Variants in RAB27B observed in about 807,000 individuals in gnomAD.
The protein encoded by RAB27B is ras-related protein Rab-27B.
A neutral mutation model predicts 24.6 loss-of-function variants in RAB27B; 15 were observed. The observed-to-expected ratio is 0.61, with a 90% CI of 0.41 to 0.94. RAB27B has a LOEUF of 0.94. Ranked by LOEUF, RAB27B falls within the 40% of genes least tolerant of loss-of-function variation. The pLI, the probability that RAB27B is intolerant of heterozygous loss-of-function variation, is 0.00. For missense variants in RAB27B, 261 were observed against 266.8 expected, an observed-to-expected ratio of 0.98 and a Z score of 0.15; for synonymous variants, 105 against 92.5, an observed-to-expected ratio of 1.14 and a Z score of -0.78.
chr18:54,815,651 A>G lies in RAB27B; in HGVS notation c.-19-61916A>G, dbSNP rs376132844. On this transcript the variant is annotated intron_variant, in intron 2 of 4. Coordinates refer to the RAB27B transcript ENST00000586570. ...GAAACTCTTACTACTTTTCTTGATA[A>G]TTCTTTAATAATTTGCTATTAAAGT... Among the ~76,000 whole-genome samples the G allele has an allele frequency of 5.9e-5, 9 of 152,306 alleles. No individual in the cohort carries two copies. The South Asian group carries it at 1.9e-3, about 32-fold the overall frequency.
intron 2 of RAB27B, among the ~76,000 whole-genome samples, chr18:54,795,848 T>G (rs755566462): frequency 6.6e-6 from 1 of 152,144 alleles, no homozygotes; most frequent in African/African-American, 2.4e-5. Flanking sequence ...GTGAAGGTAG[T>G]TATGCATAAA....
intron 1 of RAB27B, among the ~76,000 whole-genome samples, chr18:54,837,727 C>T (rs571215071): frequency 6.6e-6 from 1 of 152,092 alleles, no homozygotes; most frequent in East Asian, 1.9e-4. Flanking sequence ...CTAATAAAGA[C>T]ATTTAAGTTC....
chr18:54,879,354 C>G lies in RAB27B; in HGVS notation c.154-15C>G. 1 of 1,593,492 alleles carries G rather than the reference C, an allele frequency of 6.3e-7. No homozygotes were observed. Among genetic ancestry groups the G allele is most frequent in the Non-Finnish European group, 8.6e-7 (1 of 1,161,504 alleles). On this transcript the variant is annotated splice_polypyrimidine_tract_variant and intron_variant, in intron 2 of 5. Coordinates refer to ENST00000262094, the MANE Select transcript of RAB27B (RefSeq NM_004163.4). Reference sequence around the variant, plus strand: ...ATCCAAAGCAACCTCAACTAATGAACGTTGTATCTTTCAGGTTTATAATGC... The same window carrying G: ...ATCCAAAGCAACCTCAACTAATGAAGGTTGTATCTTTCAGGTTTATAATGC...
Position 54,884,467 on chromosome 18 carries a change from G to A in RAB27B, c.343+31G>A, listed in dbSNP as rs372243840. The stretch of plus-strand genomic sequence containing the variant: ...TGGGACTGAGTAATGTGCATTGGCC[G>A]CTTTGGGACTCAACTGCCTTAGGTG... On this transcript the variant is annotated intron_variant, in intron 4 of 5. Transcript: ENST00000262094. 4.0e-5 allele frequency: 57 copies of A among 1,427,134 alleles called. 1 individual carries two copies. In the African/African-American group the frequency reaches 4.8e-4, roughly 12 times the overall value. 88.4% of individuals were successfully genotyped at this position (1,427,134 alleles called of 1,614,324 possible). A position where few individuals can be genotyped will look rare whatever the true frequency, so the allele number is the denominator to read the frequency against.
intron 2 of RAB27B, among the ~76,000 whole-genome samples, chr18:54,796,664 A>T (rs1189869256): frequency 6.6e-6 from 1 of 151,894 alleles, no homozygotes; most frequent in Non-Finnish European, 1.5e-5. Context: ...CTCGACTTTC[A>T]CCCACTGTGT....
intron 2 of RAB27B, among the ~76,000 whole-genome samples, chr18:54,766,460 A>G (rs1598888619): frequency 6.7e-6 from 1 of 149,668 alleles, no homozygotes; most frequent in South Asian, 2.1e-4. Flanking sequence ...ATGTCTCCAC[A>G]TCTCCTTTTT....
Position 54,833,289 on chromosome 18 carries a change from C to T in RAB27B, c.-20+4589C>T, listed in dbSNP as rs192707436. On this transcript the variant is annotated intron_variant, in intron 1 of 5. Coordinates refer to ENST00000262094, the MANE Select transcript of RAB27B (RefSeq NM_004163.4). Reference sequence around the variant, plus strand: ...TTGCCCAGGCTGGAGTGCAATGGCACGATCTCAGCTCATTGCAATCTCCCT... The same window carrying T: ...TTGCCCAGGCTGGAGTGCAATGGCATGATCTCAGCTCATTGCAATCTCCCT... 4.3e-3 allele frequency among the ~76,000 whole-genome samples: 582 copies of T among 134,530 alleles called. 2 individuals carry two copies. Among genetic ancestry groups the T allele is most frequent in the Middle Eastern group, 0.017 (3 of 172 alleles). The allele number at this position is 134,530 out of a possible 152,430, so 88.3% of individuals were successfully genotyped here. A position where few individuals can be genotyped will look rare whatever the true frequency, so the allele number is the denominator to read the frequency against.
intron 2 of RAB27B, among the ~76,000 whole-genome samples, chr18:54,810,415 A>C (rs926008961): frequency 6.6e-6 from 1 of 152,202 alleles, no homozygotes; most frequent in African/African-American, 2.4e-5. Flanking sequence ...ATTTACATAA[A>C]AGAGTAAACA....
chr18:54,833,501 A>G (rs554217918), intron 1 of RAB27B, among the ~76,000 whole-genome samples: 2 of 152,302 alleles, frequency 1.3e-5, no homozygotes, highest in African/African-American at 4.8e-5. Flanking sequence ...TGCTGGGATT[A>G]CAGGTGTGTA....
intron 1 of RAB27B, among the ~76,000 whole-genome samples, chr18:54,840,864 G>C (rs1249105596): frequency 1.3e-5 from 2 of 152,032 alleles, no homozygotes; most frequent in Non-Finnish European, 2.9e-5. Context: ...CAGATAGCCA[G>C]CTGGGCACGG....
At chr18:54,871,960 G>A (rs1568108437) in intron 1 of RAB27B, among the ~76,000 whole-genome samples, 1 of 152,072 alleles carries the variant, frequency 6.6e-6, no homozygotes. Flanking sequence ...CCAGTAGACT[G>A]GCAAAGAGCA....
At chr18:54,782,159 T>A (rs147998913) in intron 2 of RAB27B, among the ~76,000 whole-genome samples, 2,957 of 152,342 alleles carry the variant, frequency 0.019, 101 homozygotes, top group African/African-American at 0.067. Context: ...CTGTTGGAAT[T>A]CATTATTCTA....
intron 2 of RAB27B, among the ~76,000 whole-genome samples, chr18:54,821,415 T>C (rs1377326547): frequency 1.3e-5 from 2 of 152,160 alleles, no homozygotes; most frequent in Non-Finnish European, 2.9e-5. Flanking sequence ...GAACATTCCA[T>C]GCTCATGGGT....
At chr18:54,764,408 C>T (rs532071468) in intron 2 of RAB27B, among the ~76,000 whole-genome samples, 138 of 152,280 alleles carry the variant, frequency 9.1e-4, no homozygotes, top group African/African-American at 3.2e-3. Context: ...CTTAGCCATA[C>T]TCCATGTTGA....
chr18:54,850,814 A>T (rs1484153638), intron 1 of RAB27B, among the ~76,000 whole-genome samples: 6 of 150,894 alleles, frequency 4.0e-5, no homozygotes, highest in Admixed American at 4.0e-4. Flanking sequence ...TAAAATTATT[A>T]AAAATATTAA....
At chr18:54,885,450 C>T (rs1273528319) in intron 4 of RAB27B, among the ~76,000 whole-genome samples, 1 of 152,188 alleles carries the variant, frequency 6.6e-6, no homozygotes, top group African/African-American at 2.4e-5. Context: ...GCCCCGTTCA[C>T]TAGCCTTCAG....
chr18:54,843,676 T>C (rs1911207157), intron 1 of RAB27B, among the ~76,000 whole-genome samples: 1 of 152,216 alleles, frequency 6.6e-6, no homozygotes, highest in Non-Finnish European at 1.5e-5. Flanking sequence ...TATTTGGAAA[T>C]CAGATGCATT....
intron 1 of RAB27B, among the ~76,000 whole-genome samples, chr18:54,841,757 A>T (rs1033397437): frequency 1.3e-5 from 2 of 152,208 alleles, no homozygotes; most frequent in African/African-American, 4.8e-5. Flanking sequence ...ATAGCAAAAG[A>T]TCTTTTGGTT....
intron 2 of RAB27B, among the ~76,000 whole-genome samples, chr18:54,726,101 G>T (rs1909528896): frequency 6.6e-6 from 1 of 151,336 alleles, no homozygotes; most frequent in Admixed American, 6.6e-5. Context: ...TATAAGCAAG[G>T]TCCAATATAC....
Sources: gnomAD v4.1 joint callset for allele counts (sites outside exome capture counted in the v4.1 genomes callset) on GRCh38, gnomAD v4.1.1 for gene constraint, MANE v1.5 for transcripts, NCBI Gene and HGNC (gene_info 2026-07-23, HGNC 2026-07-21) for gene names.